Variants in KCNJ16 observed in about 807,000 individuals in gnomAD.
KCNJ16 encodes potassium inwardly rectifying channel subfamily J member 16.
A neutral mutation model predicts 18.5 loss-of-function variants in KCNJ16; 15 were observed. That is an observed-to-expected ratio of 0.81 (90% CI 0.54 to 1.25). The LOEUF is 1.25. KCNJ16 is among the 50% of genes most tolerant of loss of function. The probability of loss-of-function intolerance (pLI) is 0.00; values close to 1 mark genes in which losing one functional copy is unlikely to be tolerated. For missense variants in KCNJ16, 523 were observed against 525.7 expected, an observed-to-expected ratio of 0.99 and a Z score of 0.05; for synonymous variants, 174 against 186.5, an observed-to-expected ratio of 0.93 and a Z score of 0.55.
chr17:70,106,807 G>A (rs1261503274), intron 2 of KCNJ16, among the ~76,000 whole-genome samples: 15 of 152,262 alleles, frequency 9.9e-5, no homozygotes, highest in Non-Finnish European at 1.9e-4. Context: ...GGATGGGCTG[G>A]CATGAGGAGT....
At chr17:70,123,194 T>C (rs897455326) in intron 2 of KCNJ16, among the ~76,000 whole-genome samples, 1 of 152,192 alleles carries the variant, frequency 6.6e-6, no homozygotes. Context: ...CTAGCCTCAA[T>C]TCTCCCTCAT....
intron 1 of KCNJ16, among the ~76,000 whole-genome samples, chr17:70,100,345 T>C (rs993928664): frequency 6.6e-6 from 1 of 152,330 alleles, no homozygotes; most frequent in Middle Eastern, 3.4e-3. Flanking sequence ...AGAAGAATAG[T>C]GGTACAGCTT....
intron 2 of KCNJ16, among the ~76,000 whole-genome samples, chr17:70,111,483 C>T (rs1026564463): frequency 6.6e-6 from 1 of 152,062 alleles, no homozygotes; most frequent in Non-Finnish European, 1.5e-5. Flanking sequence ...CTTGGTTGCA[C>T]TATTAGACTT....
chr17:70,132,219 T>C lies in KCNJ16; in HGVS notation c.132T>C (p.Asn44=), dbSNP rs546253398. 6.2e-7 allele frequency: 1 copy of C among 1,614,228 alleles called. No homozygotes were observed. Among genetic ancestry groups the C allele is most frequent in the African/African-American group, 1.3e-5 (1 of 75,054 alleles). The part of the protein sequence containing the change: ...RRLLHKDGSC[N]VYFKHIFGEW... Reference sequence around the variant, plus strand: ...TACTTCACAAAGATGGCAGCTGTAATGTCTACTTCAAGCACATTTTTGGAG... The same window carrying C: ...TACTTCACAAAGATGGCAGCTGTAACGTCTACTTCAAGCACATTTTTGGAG... Residue 44 remains asparagine (N), a synonymous_variant, in exon 4 of 4, where the codon AAT becomes AAC. Coordinates refer to ENST00000392671, the MANE Select transcript of KCNJ16 (RefSeq NM_170741.4).
chr17:70,092,967 C>T (rs2072193015), intron 1 of KCNJ16, among the ~76,000 whole-genome samples: 1 of 152,158 alleles, frequency 6.6e-6, no homozygotes, highest in African/African-American at 2.4e-5. Flanking sequence ...ATCTCAAATG[C>T]CAGACATCCT....
chr17:70,103,296 G>GTGTGTGTGTGTATA lies in KCNJ16; in HGVS notation c.-191+2531_-191+2532insGTGTGTGTGTATAT, dbSNP rs1408960241. On this transcript the variant is annotated intron_variant, in intron 2 of 3. Transcript: ENST00000392671. Reference sequence around the variant, plus strand: ...ATATAATATGCATATATGTGTGTGTGTATATATATATATATATATATATAT... The same window carrying GTGTGTGTGTGTATA: ...ATATAATATGCATATATGTGTGTGTGTGTGTGTGTGTATATATATATATATATATATATATATAT... 3.2e-3 allele frequency among the ~76,000 whole-genome samples: 232 copies of GTGTGTGTGTGTATA among 72,012 alleles called. 1 individual carries two copies. The highest frequency in any genetic ancestry group is 0.018 in the Middle Eastern group (3 of 170). The allele number at this position is 72,012 out of a possible 152,430, so 47.2% of individuals were successfully genotyped here. A position where few individuals can be genotyped will look rare whatever the true frequency, so the allele number is the denominator to read the frequency against.
intron 2 of KCNJ16, chr17:70,104,972 T>C (rs1315050818): frequency 2.5e-5 from 2 of 80,008 alleles, no homozygotes; most frequent in African/African-American, 6.5e-5. Context: ...AGAAGGGTAC[T>C]AACAGGGCCA....
chr17:70,132,610 G>A lies in KCNJ16; in HGVS notation c.523G>A (p.Ala175Thr). ...IGAALAKMAT[A>T]RKRAQTIRFS... ...AGCTGCCTTGGCCAAAATGGCAACTGCTCGAAAGAGAGCCCAAACCATTCG... is the reference window on the plus strand; with the variant it reads ...AGCTGCCTTGGCCAAAATGGCAACTACTCGAAAGAGAGCCCAAACCATTCG... Residue 175 changes from alanine (A) to threonine (T), a missense_variant, in exon 4 of 4, where the codon GCT becomes ACT. Transcript: ENST00000392671. 6.2e-7 allele frequency: 1 copy of A among 1,614,176 alleles called. No individual in the cohort carries two copies. Among genetic ancestry groups the A allele is most frequent in the Non-Finnish European group, 8.5e-7 (1 of 1,180,038 alleles).
intron 2 of KCNJ16, among the ~76,000 whole-genome samples, chr17:70,113,441 A>T (rs1047069975): frequency 6.6e-6 from 1 of 152,206 alleles, no homozygotes; most frequent in African/African-American, 2.4e-5. Flanking sequence ...ACAATACTTC[A>T]GATATAGTTG....
intron 1 of KCNJ16, among the ~76,000 whole-genome samples, chr17:70,082,198 A>T (rs2071586146): frequency 6.6e-6 from 1 of 152,244 alleles, no homozygotes; most frequent in African/African-American, 2.4e-5. Context: ...GTAATACAGT[A>T]TTCAGGTTTT....
chr17:70,125,513 C>T (rs1327780411), intron 2 of KCNJ16, among the ~76,000 whole-genome samples: 1 of 152,162 alleles, frequency 6.6e-6, no homozygotes, highest in Non-Finnish European at 1.5e-5. Context: ...GGATGAAACT[C>T]AGTTCTCATG....
rs563347289 is a variant in KCNJ16 at position 70,092,604 on chromosome 17, TA to T, written c.-299-8053del. Among the ~76,000 whole-genome samples, 1,170 of 151,062 alleles carry T rather than the reference TA, an allele frequency of 7.7e-3. 16 individuals are homozygous for T. Among genetic ancestry groups the T allele is most frequent in the African/African-American group, 0.028 (1,119 of 40,682 alleles). On this transcript the variant is annotated intron_variant, in intron 1 of 3. Transcript: ENST00000392671. ...ATAGATAGATAGATAGATAGATAGA[TA>T]GATAGATGAGATTCATAATGAAAAC...
intron 1 of KCNJ16, among the ~76,000 whole-genome samples, chr17:70,093,900 C>T (rs559990535): frequency 9.3e-5 from 14 of 150,042 alleles, no homozygotes; most frequent in African/African-American, 9.8e-5. Flanking sequence ...AGCAAGCAGG[C>T]GATCTTAGTA....
intron 1 of KCNJ16, chr17:70,096,609 C>A: frequency 4.3e-6 from 1 of 229,972 alleles, no homozygotes; most frequent in Non-Finnish European, 8.3e-6. Context: ...ATTATTATTA[C>A]ATCATAATAG....
intron 2 of KCNJ16, among the ~76,000 whole-genome samples, chr17:70,126,745 T>C (rs1480548162): frequency 6.6e-6 from 1 of 152,230 alleles, no homozygotes; most frequent in African/African-American, 2.4e-5. Context: ...TGCACCAACC[T>C]AATATTAAGG....
chr17:70,124,284 A>G (rs1401664975), intron 2 of KCNJ16, among the ~76,000 whole-genome samples: 2 of 152,088 alleles, frequency 1.3e-5, no homozygotes, highest in Non-Finnish European at 2.9e-5. Flanking sequence ...TGTGTCCTCC[A>G]TGATAGTTAC....
In KCNJ16 at chr17:70,092,572, T is replaced by C. The variant is rs1263730888; in HGVS notation, c.-299-8086T>C. Among the ~76,000 whole-genome samples the C allele has an allele frequency of 2.2e-5, 3 of 137,546 alleles. No individual in the cohort carries two copies. The East Asian group carries it at 6.1e-4, about 28-fold the overall frequency. 90.2% of individuals were successfully genotyped at this position (137,546 alleles called of 152,430 possible). A position where few individuals can be genotyped will look rare whatever the true frequency, so the allele number is the denominator to read the frequency against. ...GATATAGATAGATGATAGATATAGA[T>C]AGATAGATAGATAGATAGATAGATA... On this transcript the variant is annotated intron_variant, in intron 1 of 3. Coordinates refer to ENST00000392671, the MANE Select transcript of KCNJ16 (RefSeq NM_170741.4).
At chr17:70,105,699 C>T (rs1359579245) in intron 2 of KCNJ16, among the ~76,000 whole-genome samples, 3 of 152,004 alleles carry the variant, frequency 2.0e-5, no homozygotes, top group African/African-American at 4.8e-5. Context: ...ACGGGGCTTT[C>T]GAACTTTTAA....
chr17:70,086,417 A>G (rs1461578890), intron 1 of KCNJ16, among the ~76,000 whole-genome samples: 1 of 152,228 alleles, frequency 6.6e-6, no homozygotes, highest in African/African-American at 2.4e-5. Context: ...AGCACAAGAA[A>G]AGTGTATTTT....
Sources: allele counts gnomAD v4.1 joint callset (sites outside exome capture counted in the v4.1 genomes callset), GRCh38; gene constraint gnomAD v4.1.1; transcripts MANE v1.5; gene names NCBI Gene and HGNC (gene_info 2026-07-23, HGNC 2026-07-21).